PAK1: variants seen among roughly 807,000 people sequenced by gnomAD.
The protein encoded by PAK1 is p21 (RAC1) activated kinase 1, also known as serine/threonine-protein kinase PAK 1.
A neutral mutation model predicts 67.4 loss-of-function variants in PAK1; 29 were observed. The observed-to-expected ratio is 0.43, with a 90% CI of 0.32 to 0.59. The LOEUF (loss-of-function observed/expected upper bound fraction) is 0.59, where lower values mean the gene tolerates loss of function less well. PAK1 is among the 20% of genes least tolerant of loss of function. PAK1 has a pLI of 0.07. For missense variants in PAK1, 337 were observed against 670.7 expected (o/e 0.50, Z 5.50); for synonymous variants, 223 against 237.4 (o/e 0.94, Z 0.56).
At chr11:77,453,051 G>A (rs1368636716) in intron 1 of PAK1, among the ~76,000 whole-genome samples, 3 of 152,116 alleles carry the variant, frequency 2.0e-5, no homozygotes, top group African/African-American at 7.2e-5. Context: ...GAAGGAAGAA[G>A]TGGGATATAT....
the PAK1 span, among the ~76,000 whole-genome samples, chr11:77,506,231 CG>C: frequency 6.6e-6 from 1 of 152,300 alleles, no homozygotes; most frequent in Admixed American, 6.5e-5. Context: ...TGTACATAGA[CG>C]GAAGGCTAGA....
chr11:77,457,506 A>G (rs1165809790), intron 1 of PAK1, among the ~76,000 whole-genome samples: 4 of 152,202 alleles, frequency 2.6e-5, no homozygotes, highest in African/African-American at 9.6e-5. Context: ...GCGCATTAGC[A>G]TTACATTAAT....
chr11:77,446,021 A>T (rs1270291059), intron 1 of PAK1, among the ~76,000 whole-genome samples: 2 of 152,186 alleles, frequency 1.3e-5, no homozygotes, highest in Non-Finnish European at 2.9e-5. Context: ...ACAGTTCCTA[A>T]AGTATTATTT....
intron 1 of PAK1, among the ~76,000 whole-genome samples, chr11:77,405,240 G>A (rs1268708492): frequency 6.6e-6 from 1 of 152,218 alleles, no homozygotes; most frequent in African/African-American, 2.4e-5. Context: ...GATCAGAGAT[G>A]TAACCAGAGG....
At chr11:77,445,178 G>A (rs550964857) in intron 1 of PAK1, among the ~76,000 whole-genome samples, 16 of 152,238 alleles carry the variant, frequency 1.1e-4, no homozygotes, top group African/African-American at 3.6e-4. Context: ...AAAGGACAAA[G>A]GGAAAAGAAG....
At chr11:77,365,975 C>T (rs1163102752) in intron 5 of PAK1, among the ~76,000 whole-genome samples, 1 of 152,074 alleles carries the variant, frequency 6.6e-6, no homozygotes, top group Non-Finnish European at 1.5e-5. Flanking sequence ...TAACAGCTGA[C>T]TGCTGATCAG....
At chr11:77,520,074 G>A in the PAK1 span, among the ~76,000 whole-genome samples, 64 of 150,990 alleles carry the variant, frequency 4.2e-4, no homozygotes, top group African/African-American at 1.5e-3. Context: ...AAAGCCCTGC[G>A]CAGGTTCCCT....
intron 9 of PAK1, among the ~76,000 whole-genome samples, chr11:77,347,345 A>C (rs528413440): frequency 6.6e-6 from 1 of 152,162 alleles, no homozygotes; most frequent in Non-Finnish European, 1.5e-5. Flanking sequence ...CTTGCGGCCC[A>C]AAACACACAG....
chr11:77,365,251 C>CAAAAAAAAAAAAAAAA (rs1364090865), intron 5 of PAK1, among the ~76,000 whole-genome samples: 1 of 45,528 alleles, frequency 2.2e-5, no homozygotes, highest in Non-Finnish European at 3.6e-5. Flanking sequence ...GACTCTGTCT[C>CAAAAAAAAAAAAAAAA]AAAAAAAAAA....
At chr11:77,479,982 T>G in the PAK1 span, among the ~76,000 whole-genome samples, 1 of 152,200 alleles carries the variant, frequency 6.6e-6, no homozygotes, top group Non-Finnish European at 1.5e-5. Flanking sequence ...CTCCAGAATT[T>G]CTATCAGGAG....
At chr11:77,444,069 G>A (rs1956482873) in intron 1 of PAK1, among the ~76,000 whole-genome samples, 1 of 152,040 alleles carries the variant, frequency 6.6e-6, no homozygotes, top group Admixed American at 6.5e-5. Context: ...CTTACCCATG[G>A]TTATTAAACA....
chr11:77,504,729 A>G, the PAK1 span, among the ~76,000 whole-genome samples: 1 of 152,196 alleles, frequency 6.6e-6, no homozygotes, highest in Non-Finnish European at 1.5e-5. Context: ...ATACTTAAGG[A>G]TTGCTGAGGT....
the PAK1 span, among the ~76,000 whole-genome samples, chr11:77,521,234 G>C: frequency 6.6e-6 from 1 of 151,944 alleles, no homozygotes; most frequent in African/African-American, 2.4e-5. Context: ...ATTGAGTTTG[G>C]GTCAAAAATG....
intron 1 of PAK1, among the ~76,000 whole-genome samples, chr11:77,431,127 G>GA (rs1235891775): frequency 6.7e-6 from 1 of 149,832 alleles, no homozygotes; most frequent in African/African-American, 2.5e-5. Context: ...AGTCCCTAAT[G>GA]CCAAAAATGT....
intron 1 of PAK1, among the ~76,000 whole-genome samples, chr11:77,448,008 C>G (rs900069670): frequency 1.3e-5 from 2 of 152,168 alleles, no homozygotes; most frequent in Non-Finnish European, 2.9e-5. Context: ...TCTACATACT[C>G]AATTTGTGTG....
chr11:77,514,485 A>T, the PAK1 span, among the ~76,000 whole-genome samples: 1 of 152,064 alleles, frequency 6.6e-6, no homozygotes. Context: ...ACAGAGCAAA[A>T]CTCCATCTCA....
At chr11:77,356,230 T>C (rs1591886428) in intron 6 of PAK1, 2 of 159,894 alleles carry the variant, frequency 1.3e-5, no homozygotes, top group South Asian at 2.0e-4. Flanking sequence ...CAAAAGAAAT[T>C]AGTTGAAGAC....
chr11:77,343,449 G>A (rs914327559), intron 10 of PAK1, among the ~76,000 whole-genome samples: 1 of 152,080 alleles, frequency 6.6e-6, no homozygotes, highest in Non-Finnish European at 1.5e-5. Context: ...CATTTTAAGA[G>A]AACATAAACA....
In PAK1 at chr11:77,324,361, C is replaced by T. The variant is rs376207701; in HGVS notation, c.1552-1001G>A. Among the ~76,000 whole-genome samples the T allele has an allele frequency of 1.5e-4, 23 of 151,930 alleles. No individual in the cohort carries two copies. In the East Asian group the frequency reaches 4.3e-3, roughly 28 times the overall value. On this transcript the variant is annotated intron_variant, in intron 14 of 14. Transcript: ENST00000356341. ...CTAATTTTTGTATTTTTAGTAGAGA[C>T]GGGGTTTTGCCATACTGTCCAGGCT... is the stretch of plus-strand genomic sequence containing the variant.
Sources: gnomAD v4.1 joint callset for allele counts (sites outside exome capture counted in the v4.1 genomes callset) on GRCh38, gnomAD v4.1.1 for gene constraint, MANE v1.5 for transcripts, NCBI Gene and HGNC (gene_info 2026-07-23, HGNC 2026-07-21) for gene names.